The following RSPH14 variants were observed in gnomAD, a reference collection of about 807,000 sequenced individuals.
RSPH14 encodes rhabdoid tumor deletion region gene 1.
RSPH14 carries 20 observed loss-of-function variants against 26.7 expected under a neutral mutation model. The ratio of observed to expected loss-of-function variants is 0.75; its 90% CI spans 0.53 to 1.09. The LOEUF (loss-of-function observed/expected upper bound fraction) is 1.09. Among genes scored for constraint, RSPH14 ranks in the 50% least tolerant of loss-of-function variants. The pLI, the probability that RSPH14 is intolerant of heterozygous loss-of-function variation, is 0.00. For synonymous variants in RSPH14, 177 were observed against 189.3 expected, an observed-to-expected ratio of 0.93 and a Z score of 0.53; for missense variants, 449 against 457.2, an observed-to-expected ratio of 0.98 and a Z score of 0.16.
intron 4 of RSPH14, among the ~76,000 whole-genome samples, chr22:23,104,393 A>G (rs1474853453): frequency 6.6e-6 from 1 of 152,072 alleles, no homozygotes; most frequent in Admixed American, 6.5e-5. Flanking sequence ...ATCAGGCTGG[A>G]TGCTCACAAT....
intron 6 of RSPH14, among the ~76,000 whole-genome samples, chr22:23,060,347 T>C (rs1395941705): frequency 6.6e-6 from 1 of 151,922 alleles, no homozygotes; most frequent in Non-Finnish European, 1.5e-5. Flanking sequence ...GGCGGGCGCC[T>C]GTAGTCCCAG....
chr22:23,142,365 G>C (rs1247261881), upstream of RSPH14, among the ~76,000 whole-genome samples: 2 of 152,020 alleles, frequency 1.3e-5, no homozygotes, highest in Non-Finnish European at 2.9e-5. Context: ...ACGCAGGCTG[G>C]AGTGCAGTGG....
At chr22:23,135,317 C>CAAAAAAAAAAA (rs55649510) in intron 3 of RSPH14, among the ~76,000 whole-genome samples, 3 of 85,880 alleles carry the variant, frequency 3.5e-5, no homozygotes, top group Admixed American at 1.3e-4. Flanking sequence ...ACTAAAAATA[C>CAAAAAAAAAAA]AAAAAAAAAA....
rs1291099947 is a variant in RSPH14 at position 23,071,665 on chromosome 22, G to A, written c.422-7532C>T. Among the ~76,000 whole-genome samples, 3 of 152,208 alleles carry A rather than the reference G, an allele frequency of 2.0e-5. No homozygotes were observed. Among genetic ancestry groups the A allele is most frequent in the African/African-American group, 7.2e-5 (3 of 41,450 alleles). On this transcript the variant is annotated intron_variant, in intron 4 of 6. Transcript: ENST00000216036. This position sits in a 1 kb window ranked among gnomAD's most constrained non-coding sequence, Gnocchi z 4.1. ...CAGGACTGATTGACCACCGCATAGG[G>A]GAAAACGTCTCTACTCGACCAACCC...
At chr22:23,168,469 T>A in the RSPH14 span, among the ~76,000 whole-genome samples, 1 of 151,788 alleles carries the variant, frequency 6.6e-6, no homozygotes, top group East Asian at 1.9e-4. Context: ...TCCTGGAGAC[T>A]GGGTGGACCC....
At chr22:23,155,908 C>T in the RSPH14 span, 1 of 1,495,174 alleles carries the variant, frequency 6.7e-7, no homozygotes, top group Non-Finnish European at 9.1e-7. Flanking sequence ...CCTGTTGGCT[C>T]AAGACACTGT....
chr22:23,155,330 T>G, the RSPH14 span, among the ~76,000 whole-genome samples: 1 of 152,146 alleles, frequency 6.6e-6, no homozygotes. Flanking sequence ...TTTCCCCTCT[T>G]CTAGACTGTG....
the RSPH14 span, chr22:23,152,407 C>T: frequency 6.3e-7 from 1 of 1,588,096 alleles, no homozygotes; most frequent in Non-Finnish European, 8.6e-7. Context: ...CTGTGAGTGT[C>T]TGAAGACACC....
rs145771609 is a variant in RSPH14, at chr22:23,059,506, G to T, written c.1003C>A (p.Arg335=). The T allele has an allele frequency of 8.7e-4, 1,402 of 1,613,824 alleles. 10 individuals carry two copies. The African/African-American group carries it at 0.011, about 13-fold the overall frequency. The part of the protein sequence containing the change: ...EKPQVAEALQ[R]AARIAISVIE... ...ACACTGATGGCGATCCGGGCTGCCC[G>T]CTGTAAGGCTTCGGCCACTTGAGGC... The change falls in exon 7 of 7, where the codon CGG becomes AGG. Residue 335 remains arginine (R), a synonymous_variant. Coordinates refer to ENST00000216036, the MANE Select transcript of RSPH14 (RefSeq NM_014433.3).
the RSPH14 span, chr22:23,152,473 C>T: frequency 1.1e-4 from 177 of 1,614,206 alleles, 2 homozygotes; most frequent in South Asian, 1.8e-3. Context: ...TCAAACTCTC[C>T]AAGGTGGTGG....
intron 4 of RSPH14, among the ~76,000 whole-genome samples, chr22:23,073,454 C>T (rs1340960251): frequency 6.6e-6 from 1 of 152,206 alleles, no homozygotes; most frequent in Non-Finnish European, 1.5e-5. Context: ...GCATTCCAGT[C>T]TAGGTGGCAG....
chr22:23,115,999 G>A (rs1023297705), intron 4 of RSPH14, among the ~76,000 whole-genome samples: 14 of 152,220 alleles, frequency 9.2e-5, no homozygotes, highest in African/African-American at 3.1e-4. Context: ...GGAAGGTGCC[G>A]CGCATGTGCC....
At chr22:23,177,709 G>A in the RSPH14 span, among the ~76,000 whole-genome samples, 1 of 152,142 alleles carries the variant, frequency 6.6e-6, no homozygotes, top group Non-Finnish European at 1.5e-5. Flanking sequence ...GTCCCACAAG[G>A]GAGAAAGCCA....
upstream of RSPH14, among the ~76,000 whole-genome samples, chr22:23,149,551 G>T (rs546009027): frequency 6.6e-6 from 1 of 152,186 alleles, no homozygotes; most frequent in African/African-American, 2.4e-5. Flanking sequence ...AGAAGGTATG[G>T]ATTAGAGACA....
At chr22:23,173,780 C>T in the RSPH14 span, among the ~76,000 whole-genome samples, 62 of 152,186 alleles carry the variant, frequency 4.1e-4, no homozygotes, top group South Asian at 0.012. Flanking sequence ...GATCTTGGCT[C>T]ACTGCAAACG....
At chr22:23,114,334 T>G (rs1285128879) in intron 4 of RSPH14, among the ~76,000 whole-genome samples, 1 of 152,216 alleles carries the variant, frequency 6.6e-6, no homozygotes, top group Non-Finnish European at 1.5e-5. Context: ...GTAACAGAAC[T>G]GAGGACTTGC....
intron 5 of RSPH14, among the ~76,000 whole-genome samples, chr22:23,063,569 C>T (rs575698868): frequency 5.9e-5 from 9 of 152,314 alleles, no homozygotes; most frequent in East Asian, 1.9e-4. Flanking sequence ...TTGTAGACAA[C>T]GCCTGGCACA....
At chr22:23,137,708 G>C in intron 3 of RSPH14, 1 of 349,618 alleles carries the variant, frequency 2.9e-6, no homozygotes, top group African/African-American at 2.2e-5. Context: ...ACACTGGGCA[G>C]TGGCCCCCTT....
At chr22:23,136,253 T>C in intron 3 of RSPH14, 1 of 712,276 alleles carries the variant, frequency 1.4e-6, no homozygotes, top group East Asian at 2.7e-5. Flanking sequence ...GTCATGCAAA[T>C]TAACTCCTCA....
Sources: gnomAD v4.1 joint callset for allele counts (sites outside exome capture counted in the v4.1 genomes callset) on GRCh38, gnomAD v4.1.1 for gene constraint, Gnocchi (gnomAD v3.1) non-coding constraint, MANE v1.5 for transcripts, NCBI Gene and HGNC (gene_info 2026-07-23, HGNC 2026-07-21) for gene names.